The following TEAD1 variants were observed in gnomAD, a reference collection of about 807,000 sequenced individuals.
TEAD1 encodes the protein transcriptional enhancer factor TEF-1.
A neutral mutation model predicts 54.9 loss-of-function variants in TEAD1; 9 were observed. The ratio of observed to expected loss-of-function variants is 0.16; its 90% confidence interval spans 0.10 to 0.29. The LOEUF (loss-of-function observed/expected upper bound fraction) is 0.29, where lower values mean the gene tolerates loss of function less well. Among genes scored for constraint, TEAD1 ranks in the 10% least tolerant of loss-of-function variants. The pLI is 1.00. For synonymous variants in TEAD1, 200 were observed against 187.8 expected, an observed-to-expected ratio of 1.07 and a Z score of -0.53; for missense variants, 387 against 535.9, an observed-to-expected ratio of 0.72 and a Z score of 2.74.
chr11:12,941,826 C>G lies in TEAD1; in HGVS notation c.*4604C>G, dbSNP rs1030723107. ...GGAAGCATTTCTCTTACTACTGTTACTTTTGTAGGAAGTTTTCAATTCAGA... is the reference window on the plus strand; with the variant it reads ...GGAAGCATTTCTCTTACTACTGTTAGTTTTGTAGGAAGTTTTCAATTCAGA... On this transcript the variant is annotated 3_prime_UTR_variant, in exon 13 of 13. Coordinates refer to ENST00000527636, the MANE Select transcript of TEAD1 (RefSeq NM_021961.6). 6.6e-6 allele frequency: 1 copy of G among 152,600 alleles called. No individual in the cohort carries two copies. Among genetic ancestry groups the G allele is most frequent in the African/African-American group, 2.4e-5 (1 of 41,438 alleles). 9.5% of individuals were successfully genotyped at this position (152,600 alleles called of 1,614,324 possible).
At chr11:12,901,753 T>C (rs1157224734) in intron 9 of TEAD1, among the ~76,000 whole-genome samples, 187 bp from the exon 10 acceptor site, 2 of 152,186 alleles carry the variant, frequency 1.3e-5, no homozygotes, top group African/African-American at 4.8e-5. Context: ...TAAAAAGCAA[T>C]GATTGTCTCA....
Position 12,875,403 on chromosome 11 carries a change from C to A in TEAD1, c.331-4305C>A, listed in dbSNP as rs569776652. On this transcript the variant is annotated intron_variant, in intron 5 of 12. Coordinates refer to ENST00000527636, the MANE Select transcript of TEAD1 (RefSeq NM_021961.6). ...GCAAATGACAATTTAGAGGTCCTTC[C>A]ATTGAAATCTCTTAGCTTGGCATTC... Among the ~76,000 whole-genome samples the A allele has an allele frequency of 2.6e-5, 4 of 152,306 alleles. No individual in the cohort carries two copies. In the South Asian group the frequency reaches 8.3e-4, roughly 32 times the overall value.
At chr11:12,821,961 C>CTTTTTTTTTTTTGTTTT (rs1946557151) in intron 3 of TEAD1, among the ~76,000 whole-genome samples, 1 of 68,084 alleles carries the variant, frequency 1.5e-5, no homozygotes. Context: ...TTCTCTTTTC[C>CTTTTTTTTTTTTGTTTT]TTTTTTTTTT....
At chr11:12,915,297 A>G (rs772484018) in intron 10 of TEAD1, among the ~76,000 whole-genome samples, 41 of 152,168 alleles carry the variant, frequency 2.7e-4, no homozygotes, top group Non-Finnish European at 5.0e-4. Context: ...GCTCACTCCC[A>G]TTCTTCACTG....
At chr11:12,724,436 A>G (rs1027082257) in intron 2 of TEAD1, among the ~76,000 whole-genome samples, 1 of 152,218 alleles carries the variant, frequency 6.6e-6, no homozygotes, top group Non-Finnish European at 1.5e-5. Flanking sequence ...CTGTCTGTGG[A>G]GGCGTATGCC....
intron 3 of TEAD1, among the ~76,000 whole-genome samples, chr11:12,827,629 T>C (rs1415955396): frequency 2.9e-4 from 44 of 152,332 alleles, no homozygotes; most frequent in Non-Finnish European, 1.5e-5. Flanking sequence ...TTATGTTGCC[T>C]GTTTTGCAGA....
At chr11:12,714,879 C>G (rs60774045) in intron 2 of TEAD1, among the ~76,000 whole-genome samples, 19,963 of 152,078 alleles carry the variant, frequency 0.13, 4,356 homozygotes, top group African/African-American at 0.46. Flanking sequence ...CAGTCACACT[C>G]GGTTAGGGCC....
At chr11:12,883,149 TC>T (rs755914631) in intron 9 of TEAD1, 24 bp downstream of exon 9, 66 of 1,614,142 alleles carry the variant, frequency 4.1e-5, no homozygotes, top group Non-Finnish European at 5.6e-5. Context: ...GAGAGGTGTG[TC>T]TTGAATCCAG....
rs1478226515 is a variant in TEAD1 at position 12,943,436 on chromosome 11, G to C, written c.*6214G>C. 11 of 152,588 alleles carry C rather than the reference G, an allele frequency of 7.2e-5. No homozygotes were observed. Among genetic ancestry groups the C allele is most frequent in the Admixed American group, 7.2e-4 (11 of 15,274 alleles). 9.5% of individuals were successfully genotyped at this position (152,588 alleles called of 1,614,324 possible). ...GTTTAAAATTTATTGCATTGCAAAG[G>C]GTAGTTTCACTGAAGTCATGCACCA... On this transcript the variant is annotated 3_prime_UTR_variant, in exon 13 of 13. Coordinates refer to ENST00000527636, the MANE Select transcript of TEAD1 (RefSeq NM_021961.6).
chr11:12,688,730 A>C (rs1943387884), intron 2 of TEAD1, among the ~76,000 whole-genome samples: 1 of 152,154 alleles, frequency 6.6e-6, no homozygotes, highest in African/African-American at 2.4e-5. Flanking sequence ...TCCTCTGCAA[A>C]ATGGAGAAAA....
intron 2 of TEAD1, among the ~76,000 whole-genome samples, chr11:12,736,166 GCCCATAATGT>G (rs1304385051): frequency 2.6e-5 from 4 of 152,308 alleles, no homozygotes; most frequent in Admixed American, 6.5e-5. Flanking sequence ...CTGTGAATCT[GCCCATAATGT>G]CCTGAAATTC....
intron 3 of TEAD1, among the ~76,000 whole-genome samples, chr11:12,817,655 TA>T (rs1946443412): frequency 6.6e-6 from 1 of 152,106 alleles, no homozygotes; most frequent in African/African-American, 2.4e-5. Context: ...GCCACACTTA[TA>T]AAAAAATCAA....
intron 9 of TEAD1, among the ~76,000 whole-genome samples, chr11:12,891,816 A>G (rs1948204325): frequency 6.6e-6 from 1 of 152,228 alleles, no homozygotes. Context: ...ATTGTTCTCC[A>G]TTCACAGATG....
At chr11:12,767,021 C>T (rs975725814) in intron 3 of TEAD1, among the ~76,000 whole-genome samples, 13 of 152,154 alleles carry the variant, frequency 8.5e-5, no homozygotes, top group Non-Finnish European at 1.8e-4. Context: ...CTACTGCTAC[C>T]TTGGAAGGGA....
chr11:12,750,189 C>G (rs1173756182), intron 2 of TEAD1, among the ~76,000 whole-genome samples: 1 of 152,098 alleles, frequency 6.6e-6, no homozygotes, highest in Non-Finnish European at 1.5e-5. Flanking sequence ...AGACGCATGT[C>G]TCTGTATAAG....
chr11:12,900,092 A>C (rs1948397303), intron 9 of TEAD1, among the ~76,000 whole-genome samples: 1 of 152,210 alleles, frequency 6.6e-6, no homozygotes, highest in South Asian at 2.1e-4. Context: ...ACAAGGTCTT[A>C]CTGTGTTGCC....
chr11:12,844,591 T>C (rs1401228442), intron 3 of TEAD1, among the ~76,000 whole-genome samples: 1 of 151,896 alleles, frequency 6.6e-6, no homozygotes, highest in Non-Finnish European at 1.5e-5. Flanking sequence ...GACAGAAAAA[T>C]CTCCACAGCA....
At chr11:12,730,263 A>C (rs1944393019) in intron 2 of TEAD1, among the ~76,000 whole-genome samples, 1 of 152,136 alleles carries the variant, frequency 6.6e-6, no homozygotes. Flanking sequence ...CTTTGTCTTG[A>C]ATTGTCAGCA....
intron 2 of TEAD1, among the ~76,000 whole-genome samples, chr11:12,704,008 T>C (rs1483511125): frequency 6.6e-6 from 1 of 152,166 alleles, no homozygotes; most frequent in East Asian, 1.9e-4. Context: ...AAAAACAGCA[T>C]GGATTTTAGA....
Sources: allele counts gnomAD v4.1 joint callset (sites outside exome capture counted in the v4.1 genomes callset), GRCh38; gene constraint gnomAD v4.1.1; transcripts MANE v1.5; gene names NCBI Gene and HGNC (gene_info 2026-07-23, HGNC 2026-07-21).